PCCA: variants seen among roughly 807,000 people sequenced by gnomAD.
PCCA encodes the protein propionyl-CoA carboxylase subunit alpha.
A neutral mutation model predicts 101.3 loss-of-function variants in PCCA; 74 were observed. The observed-to-expected ratio is 0.73, with a 90% confidence interval of 0.61 to 0.89. The LOEUF is 0.89. Among genes scored for constraint, PCCA ranks in the 40% least tolerant of loss-of-function variants. The probability of loss-of-function intolerance (pLI) is 0.00; values close to 1 mark genes in which losing one functional copy is unlikely to be tolerated. For missense variants in PCCA, 891 were observed against 907.0 expected (o/e 0.98, Z 0.23); for synonymous variants, 294 against 313.6 (o/e 0.94, Z 0.66).
intron 21 of PCCA, among the ~76,000 whole-genome samples, chr13:100,473,866 C>T (rs1422890870): frequency 1.3e-5 from 2 of 152,222 alleles, no homozygotes; most frequent in African/African-American, 4.8e-5. Flanking sequence ...ACAATGACAT[C>T]GTGTCTTGTA....
intron 7 of PCCA, among the ~76,000 whole-genome samples, chr13:100,223,528 C>T (rs1477903898): frequency 6.6e-6 from 1 of 152,016 alleles, no homozygotes. Flanking sequence ...TCGCGGTGAG[C>T]GTTATAGCTC....
intron 4 of PCCA, among the ~76,000 whole-genome samples, chr13:100,153,527 T>C (rs1286325202): frequency 4.6e-5 from 7 of 152,194 alleles, no homozygotes; most frequent in Non-Finnish European, 8.8e-5. Flanking sequence ...AAGTACTCAA[T>C]TTCTTTCTTA....
At chr13:100,176,862 A>T (rs1034493557) in intron 6 of PCCA, among the ~76,000 whole-genome samples, 9 of 152,174 alleles carry the variant, frequency 5.9e-5, no homozygotes, top group African/African-American at 2.2e-4. Context: ...TTAGTTTAGT[A>T]ATGTTCTGAT....
At chr13:100,485,354 C>G (rs77392999) in intron 21 of PCCA, among the ~76,000 whole-genome samples, 15,906 of 152,196 alleles carry the variant, frequency 0.1, 1,396 homozygotes, top group African/African-American at 0.24. Flanking sequence ...GCTGATGGGG[C>G]AAGGTGCTCT....
intron 4 of PCCA, among the ~76,000 whole-genome samples, chr13:100,125,643 T>C (rs924863015): frequency 6.6e-6 from 1 of 152,246 alleles, no homozygotes; most frequent in East Asian, 1.9e-4. Flanking sequence ...CAATAGACTT[T>C]TCATTAAAGA....
intron 21 of PCCA, among the ~76,000 whole-genome samples, chr13:100,486,606 C>T (rs1316962090): frequency 6.6e-6 from 1 of 152,144 alleles, no homozygotes; most frequent in African/African-American, 2.4e-5. Context: ...TAGGATATTG[C>T]TTTGTTTTAC....
chr13:100,282,202 CTTTGTGAATATT>C (rs1566858037), intron 12 of PCCA, among the ~76,000 whole-genome samples: 2 of 152,138 alleles, frequency 1.3e-5, no homozygotes, highest in Non-Finnish European at 2.9e-5. Flanking sequence ...AAAGGAGGGG[CTTTGTGAATATT>C]TTCATAGGGC....
At position 100,422,069 on chromosome 13, in the gene PCCA, CTTTTCTTTCTT is replaced by C. The variant is rs1430725522; in HGVS notation, c.1747-3562_1747-3552del. On this transcript the variant is annotated intron_variant, in intron 19 of 23. Coordinates refer to ENST00000376285, the MANE Select transcript of PCCA (RefSeq NM_000282.4). The stretch of plus-strand genomic sequence containing the variant: ...TTCTTTTCCTTTTCTCTTCTCTTTT[CTTTTCTTTCTT>C]TCTTTCTTTCTTTCTTTCTTTCTTT... 1.2e-3 allele frequency among the ~76,000 whole-genome samples: 56 copies of C among 47,388 alleles called. 2 individuals are homozygous for C. The highest frequency in any genetic ancestry group is 4.2e-3 in the African/African-American group (53 of 12,520). The allele number at this position is 47,388 out of a possible 152,430, so 31.1% of individuals were successfully genotyped here.
intron 6 of PCCA, among the ~76,000 whole-genome samples, chr13:100,193,847 A>G (rs112171672): frequency 6.6e-6 from 1 of 152,300 alleles, no homozygotes; most frequent in African/African-American, 2.4e-5. Flanking sequence ...TGGGAGGCCA[A>G]GGCAGGCAGA....
intron 7 of PCCA, among the ~76,000 whole-genome samples, chr13:100,233,095 C>A (rs2060588318): frequency 6.6e-6 from 1 of 152,158 alleles, no homozygotes; most frequent in African/African-American, 2.4e-5. Context: ...CTTTGTATGT[C>A]TCTCTGTGTT....
chr13:100,219,168 T>C (rs2059679546), intron 7 of PCCA, among the ~76,000 whole-genome samples: 1 of 152,198 alleles, frequency 6.6e-6, no homozygotes, highest in African/African-American at 2.4e-5. Flanking sequence ...CTTTTTGTTT[T>C]AGACATTTGT....
At chr13:100,528,286 G>A (rs752201047) in intron 23 of PCCA, among the ~76,000 whole-genome samples, 1 of 152,190 alleles carries the variant, frequency 6.6e-6, no homozygotes, top group Admixed American at 6.5e-5. Flanking sequence ...TTTTCTTGAA[G>A]ATAGAAAAGT....
At chr13:100,372,886 C>T (rs2075658218) in intron 19 of PCCA, among the ~76,000 whole-genome samples, 1 of 152,094 alleles carries the variant, frequency 6.6e-6, no homozygotes, top group Non-Finnish European at 1.5e-5. Context: ...ATTACAGGTG[C>T]ATGCCACCAC....
intron 1 of PCCA, among the ~76,000 whole-genome samples, chr13:100,096,732 G>A (rs574830466): frequency 2.6e-5 from 4 of 152,308 alleles, no homozygotes; most frequent in Admixed American, 6.5e-5. Flanking sequence ...CTGATATGGC[G>A]AAAGCTTTAG....
intron 7 of PCCA, among the ~76,000 whole-genome samples, chr13:100,217,798 G>A (rs186284663): frequency 6.8e-6 from 1 of 146,202 alleles, no homozygotes; most frequent in African/African-American, 2.5e-5. Context: ...GAGGTTTTTT[G>A]TGTGTGTGTG....
chr13:100,397,471 A>C (rs2077103872), intron 19 of PCCA, among the ~76,000 whole-genome samples: 1 of 151,994 alleles, frequency 6.6e-6, no homozygotes, highest in Admixed American at 6.5e-5. Context: ...TGAAAAAGTA[A>C]TACGATGTTT....
intron 19 of PCCA, among the ~76,000 whole-genome samples, chr13:100,411,757 A>T (rs1282699952): frequency 6.6e-6 from 1 of 152,168 alleles, no homozygotes; most frequent in Non-Finnish European, 1.5e-5. Context: ...CTGAGAGCAG[A>T]GGGAGAGGAA....
chr13:100,339,384 C>CT (rs1638873911), intron 17 of PCCA, among the ~76,000 whole-genome samples: 2 of 152,182 alleles, frequency 1.3e-5, no homozygotes, highest in Non-Finnish European at 2.9e-5. Context: ...TAATACTCTA[C>CT]TATCTATATG....
intron 20 of PCCA, among the ~76,000 whole-genome samples, chr13:100,428,191 C>CAGGT (rs1174774196): frequency 6.6e-6 from 1 of 152,098 alleles, no homozygotes; most frequent in Non-Finnish European, 1.5e-5. Flanking sequence ...CTGAGCCCCC[C>CAGGT]AGGTAGCTGG....
Sources: gnomAD v4.1 joint callset for allele counts (sites outside exome capture counted in the v4.1 genomes callset) on GRCh38, gnomAD v4.1.1 for gene constraint, MANE v1.5 for transcripts, NCBI Gene and HGNC (gene_info 2026-07-23, HGNC 2026-07-21) for gene names.